Variants in PDE4D observed in about 807,000 individuals in gnomAD.
The protein encoded by PDE4D is 3',5'-cyclic-AMP phosphodiesterase 4D.
Under a neutral mutation model 87.4 loss-of-function variants are expected in PDE4D, and 24 were observed. The observed-to-expected ratio is 0.27, with a 90% CI of 0.20 to 0.39. PDE4D has a LOEUF of 0.39. Among genes scored for constraint, PDE4D ranks in the 10% least tolerant of loss-of-function variants. PDE4D has a pLI of 1.00. For missense variants in PDE4D, 714 were observed against 1,041.0 expected, an observed-to-expected ratio of 0.69 and a Z score of 4.32; for synonymous variants, 384 against 383.2, an observed-to-expected ratio of 1.00 and a Z score of -0.02.
chr5:60,257,386 A>G (rs1178632393), intron 1 of PDE4D, among the ~76,000 whole-genome samples: 1 of 151,956 alleles, frequency 6.6e-6, no homozygotes, highest in African/African-American at 2.4e-5. Flanking sequence ...TTTCTTTGCT[A>G]TAGGACAATT....
At chr5:59,546,523 A>T (rs1457337444) in intron 1 of PDE4D, among the ~76,000 whole-genome samples, 1 of 152,168 alleles carries the variant, frequency 6.6e-6, no homozygotes, top group Non-Finnish European at 1.5e-5. Context: ...TGGATATATG[A>T]CAGATGTATA....
intron 5 of PDE4D, among the ~76,000 whole-genome samples, chr5:59,083,170 C>T (rs190610130): frequency 6.6e-6 from 1 of 152,172 alleles, no homozygotes. Context: ...TTCCTGAGAA[C>T]TTTGAAACCT....
intron 5 of PDE4D, among the ~76,000 whole-genome samples, chr5:59,080,021 ATG>A (rs1446448645): frequency 1.3e-5 from 2 of 152,074 alleles, no homozygotes; most frequent in Non-Finnish European, 2.9e-5. Flanking sequence ...AGCTGAAGAC[ATG>A]ACACATAGAA....
At chr5:60,376,687 C>T (rs1019632854) in intron 1 of PDE4D, among the ~76,000 whole-genome samples, 3 of 152,180 alleles carry the variant, frequency 2.0e-5, no homozygotes, top group Admixed American at 6.5e-5. Context: ...TCTGGTCCTT[C>T]CCTCTGCCTC....
chr5:60,367,492 A>G (rs1217936521), intron 1 of PDE4D, among the ~76,000 whole-genome samples: 1 of 152,118 alleles, frequency 6.6e-6, no homozygotes, highest in African/African-American at 2.4e-5. Context: ...AAACTTTGAA[A>G]AAACATTTTC....
chr5:60,315,347 A>T (rs997927381), intron 1 of PDE4D, among the ~76,000 whole-genome samples: 34 of 151,770 alleles, frequency 2.2e-4, no homozygotes, highest in African/African-American at 7.2e-4. Context: ...GTTTTTTTCT[A>T]GTAAATTTGT....
At chr5:60,200,869 G>T (rs905242795) in intron 1 of PDE4D, among the ~76,000 whole-genome samples, 1 of 152,222 alleles carries the variant, frequency 6.6e-6, no homozygotes, top group South Asian at 2.1e-4. Context: ...CAAGGGAAAA[G>T]AAAAACACAT....
intron 1 of PDE4D, among the ~76,000 whole-genome samples, chr5:59,788,139 A>C (rs1488583040): frequency 1.3e-5 from 2 of 152,238 alleles, no homozygotes; most frequent in African/African-American, 4.8e-5. Flanking sequence ...TAAGATAGAC[A>C]TCATGGAAGA....
At chr5:59,972,952 T>A (rs370166715) in intron 3 of PDE4D, among the ~76,000 whole-genome samples, 7 of 152,284 alleles carry the variant, frequency 4.6e-5, no homozygotes, top group Admixed American at 1.3e-4. Context: ...CTGCTGGTGA[T>A]CTTTTTTGGG....
intron 1 of PDE4D, among the ~76,000 whole-genome samples, chr5:59,426,057 T>C (rs1795156234): frequency 6.6e-6 from 1 of 152,164 alleles, no homozygotes; most frequent in African/African-American, 2.4e-5. Flanking sequence ...CAGGAAATTT[T>C]GACACATACA....
intron 1 of PDE4D, among the ~76,000 whole-genome samples, chr5:60,244,625 C>G (rs992123758): frequency 5.3e-5 from 8 of 151,686 alleles, no homozygotes; most frequent in Admixed American, 5.3e-4. Flanking sequence ...GAATAGAATA[C>G]AGAACCTAGA....
At chr5:59,772,469 G>A (rs1763675307) in intron 1 of PDE4D, among the ~76,000 whole-genome samples, 3 of 152,170 alleles carry the variant, frequency 2.0e-5, no homozygotes, top group African/African-American at 7.2e-5. Context: ...ATACCTCTTT[G>A]TGGATTTTCA....
intron 1 of PDE4D, among the ~76,000 whole-genome samples, chr5:60,291,158 A>G (rs1001598858): frequency 6.6e-6 from 1 of 152,220 alleles, no homozygotes; most frequent in Non-Finnish European, 1.5e-5. Context: ...CCATCTTGAC[A>G]TTGCCAACCT....
intron 1 of PDE4D, among the ~76,000 whole-genome samples, chr5:59,439,253 G>A (rs1315448464): frequency 5.9e-5 from 9 of 151,910 alleles, no homozygotes; most frequent in East Asian, 1.9e-4. Flanking sequence ...CAGCTACCTC[G>A]GAGGCTGAGG....
intron 1 of PDE4D, among the ~76,000 whole-genome samples, chr5:59,569,241 A>G (rs907749084): frequency 1.3e-5 from 2 of 152,188 alleles, no homozygotes; most frequent in East Asian, 1.9e-4. Context: ...AAATCACGCT[A>G]TATTATCATT....
At chr5:59,584,118 G>C (rs1015609498) in intron 1 of PDE4D, among the ~76,000 whole-genome samples, 2 of 152,130 alleles carry the variant, frequency 1.3e-5, no homozygotes, top group African/African-American at 4.8e-5. Context: ...GATAATTCAC[G>C]AGCCTGAAAT....
chr5:59,632,637 A>G (rs1340449200), intron 1 of PDE4D, among the ~76,000 whole-genome samples: 1 of 152,174 alleles, frequency 6.6e-6, no homozygotes, highest in Non-Finnish European at 1.5e-5. Context: ...CCTGCAGAAG[A>G]GGGGTCTGAC....
At chr5:59,666,393 TA>T (rs756892438) in intron 1 of PDE4D, among the ~76,000 whole-genome samples, 214 of 152,302 alleles carry the variant, frequency 1.4e-3, no homozygotes, top group Non-Finnish European at 2.3e-3. Context: ...GTCCTTTCTC[TA>T]AAAATAATAG....
chr5:59,668,845 G>GAA (rs1746601354), intron 1 of PDE4D, among the ~76,000 whole-genome samples: 16 of 62,180 alleles, frequency 2.6e-4, no homozygotes, highest in South Asian at 6.6e-4. Context: ...AAGAGGAAGA[G>GAA]GAAGAAGAAG....
Sources: allele counts gnomAD v4.1 joint callset (sites outside exome capture counted in the v4.1 genomes callset), GRCh38; gene constraint gnomAD v4.1.1; transcripts MANE v1.5; gene names NCBI Gene and HGNC (gene_info 2026-07-23, HGNC 2026-07-21).